The following UTP20 variants were observed in gnomAD, a reference collection of about 807,000 sequenced individuals.
The protein encoded by UTP20 is UTP20 small subunit processome component, also known as small subunit processome component 20 homolog.
A neutral mutation model predicts 329.5 loss-of-function variants in UTP20; 164 were observed. That is an observed-to-expected ratio of 0.50 (90% CI 0.44 to 0.57). The LOEUF (loss-of-function observed/expected upper bound fraction) is 0.57, where lower values mean the gene tolerates loss of function less well. Among genes scored for constraint, UTP20 ranks in the 20% least tolerant of loss-of-function variants. UTP20 has a pLI of 0.00. For synonymous variants in UTP20, 1,151 were observed against 1,159.3 expected, an observed-to-expected ratio of 0.99 and a Z score of 0.14; for missense variants, 3,055 against 3,284.2, an observed-to-expected ratio of 0.93 and a Z score of 1.71.
intron 4 of UTP20, among the ~76,000 whole-genome samples, 187 bp from the exon 5 acceptor site, chr12:101,286,134 A>T (rs1311703565): frequency 2.0e-5 from 3 of 152,206 alleles, no homozygotes; most frequent in Non-Finnish European, 4.4e-5. Context: ...TTATGATGGA[A>T]TGTAACTTCT....
intron 11 of UTP20, 88 bp downstream of exon 11, chr12:101,293,333 G>C: frequency 7.8e-7 from 1 of 1,278,960 alleles, no homozygotes; most frequent in Non-Finnish European, 1.1e-6. Context: ...ATTTCTGTTT[G>C]TTTTTTGAGA....
At chr12:101,348,737 T>TG (rs1256473698) in intron 38 of UTP20, among the ~76,000 whole-genome samples, 2 of 121,568 alleles carry the variant, frequency 1.6e-5, no homozygotes, top group Non-Finnish European at 3.3e-5. Context: ...GAGTTTTTGG[T>TG]GGTTTTTTTT....
chr12:101,383,028 T>C lies in UTP20; in HGVS notation c.7657-13T>C. The C allele has an allele frequency of 6.4e-7, 1 of 1,568,948 alleles. No individual in the cohort carries two copies. The highest frequency in any genetic ancestry group is 8.6e-7 in the Non-Finnish European group (1 of 1,160,992). ...ATGTCCAATTTCTTCCCCCACCCCG[T>C]TTTTTTTTAAAGGTTGTTAAGAATT... On this transcript the variant is annotated splice_polypyrimidine_tract_variant and intron_variant, in intron 58 of 61. Transcript: ENST00000261637.
chr12:101,292,305 G>A (rs1487537471), intron 10 of UTP20, among the ~76,000 whole-genome samples: 1 of 152,028 alleles, frequency 6.6e-6, no homozygotes, highest in Admixed American at 6.6e-5. Flanking sequence ...TAGCAAATAA[G>A]CAAAATAAAG....
At chr12:101,365,075 T>C (rs1240674252) in intron 45 of UTP20, among the ~76,000 whole-genome samples, 1 of 93,482 alleles carries the variant, frequency 1.1e-5, no homozygotes, top group Non-Finnish European at 2.7e-5. Flanking sequence ...TTGTTGATTG[T>C]GTGTGTGTGT....
At chr12:101,367,025 A>G (rs973749216) in intron 47 of UTP20, among the ~76,000 whole-genome samples, 2 of 152,096 alleles carry the variant, frequency 1.3e-5, no homozygotes, top group Admixed American at 6.6e-5. Context: ...CACACCCATA[A>G]TCCCAGCACT....
chr12:101,298,844 CT>C (rs1872440466), intron 12 of UTP20, among the ~76,000 whole-genome samples: 1 of 151,292 alleles, frequency 6.6e-6, no homozygotes, highest in Non-Finnish European at 1.5e-5. Context: ...GAGAATGTAG[CT>C]TTTTGGAGAA....
At chr12:101,359,657 T>C (rs1869849699) in intron 43 of UTP20, among the ~76,000 whole-genome samples, 1 of 152,180 alleles carries the variant, frequency 6.6e-6, no homozygotes, top group Non-Finnish European at 1.5e-5. Flanking sequence ...GTTTTTCAGT[T>C]CTAAAATTTT....
intron 48 of UTP20, among the ~76,000 whole-genome samples, chr12:101,368,599 A>G (rs936234173): frequency 2.6e-5 from 4 of 152,124 alleles, no homozygotes; most frequent in African/African-American, 9.7e-5. Context: ...CAACTTCATG[A>G]GGGTGAATGA....
intron 21 of UTP20, among the ~76,000 whole-genome samples, chr12:101,314,864 G>T (rs1197843408): frequency 6.6e-6 from 1 of 152,042 alleles, no homozygotes; most frequent in South Asian, 2.1e-4. Context: ...ACTTTGAGAG[G>T]CCTAGGTGGG....
chr12:101,286,415 G>A lies in UTP20; in HGVS notation c.421G>A (p.Asp141Asn), dbSNP rs753707234. The change falls in exon 5 of 62, where the codon GAC (aspartate) becomes AAC (asparagine). Residue 141 changes from aspartate (D) to asparagine (N), a missense_variant. Transcript: ENST00000261637. ...LTITSILETQ[D>N]TELLEWAFTS... is the part of the protein sequence containing the mutation. ...TATCACCTCGATCCTGGAGACTCAG[G>A]ACACAGAGTTGTTAGAATGGGCTTT... 3.0e-5 allele frequency: 49 copies of A among 1,613,646 alleles called. No homozygotes were observed. In the South Asian group the frequency reaches 4.9e-4, roughly 16 times the overall value.
At position 101,323,477 on chromosome 12, in the gene UTP20, T is replaced by C. The variant is rs1470174443; in HGVS notation, c.3041+1848T>C. 5.3e-5 allele frequency among the ~76,000 whole-genome samples: 8 copies of C among 152,350 alleles called. No individual in the cohort carries two copies. In the East Asian group the frequency reaches 1.5e-3, roughly 29 times the overall value. ...TGCCTGTTTCACACCATTCCAACAC[T>C]AGGGTGTTTGTTGTTATTATTTTTT... On this transcript the variant is annotated intron_variant, in intron 25 of 61. Transcript: ENST00000261637.
Position 101,342,809 on chromosome 12 carries a change from G to T in UTP20, c.4268G>T (p.Gly1423Val), listed in dbSNP as rs775896086. ...CAGACTCTTTCTGATTTTGAGAGTG[G>T]GTTAAAATATATTACTGATGTTGTC... ...VFETLSDFESGLKYITDVVKL... is the reference protein window; with the variant it reads ...VFETLSDFESVLKYITDVVKL... The change falls in exon 34 of 62, where the codon GGG becomes GTG. Residue 1423 changes from glycine to valine, a missense_variant. Coordinates refer to ENST00000261637, the MANE Select transcript of UTP20 (RefSeq NM_014503.3). The T allele has an allele frequency of 3.2e-5, 51 of 1,613,116 alleles. No individual in the cohort carries two copies. The highest frequency in any genetic ancestry group is 4.1e-5 in the Non-Finnish European group (48 of 1,179,602).
In UTP20 at chr12:101,324,127, ACT is replaced by A. The variant is rs1868471428; in HGVS notation, c.3041+2501_3041+2502del. ...ACTCCAGCCTGGATGACAGAGCGAGACTCTGTCTCAAAAAAATAAAAAAATAA... is the reference window on the plus strand; with the variant it reads ...ACTCCAGCCTGGATGACAGAGCGAGACTGTCTCAAAAAAATAAAAAAATAA... On this transcript the variant is annotated intron_variant, in intron 25 of 61. Transcript: ENST00000261637. Among the ~76,000 whole-genome samples the A allele has an allele frequency of 3.3e-5, 5 of 150,876 alleles. No individual in the cohort carries two copies. In the South Asian group the frequency reaches 1.1e-3, roughly 32 times the overall value.
intron 28 of UTP20, 149 bp downstream of exon 28, chr12:101,333,593 T>C: frequency 1.0e-6 from 1 of 992,760 alleles, no homozygotes; most frequent in Non-Finnish European, 1.5e-6. Context: ...TTAGAACACT[T>C]TTCTTTGCCT....
intron 23 of UTP20, 58 bp from the exon 24 acceptor site, chr12:101,320,794 G>T: frequency 7.1e-7 from 1 of 1,414,054 alleles, no homozygotes; most frequent in South Asian, 1.4e-5. Flanking sequence ...CAAGTAAATT[G>T]CTATCCTATG....
intron 39 of UTP20, among the ~76,000 whole-genome samples, chr12:101,352,828 TA>T (rs1555201579): frequency 5.3e-5 from 8 of 150,470 alleles, no homozygotes; most frequent in East Asian, 3.9e-4. Context: ...TAAATAAATT[TA>T]AAAAAAAGTA....
chr12:101,366,600 G>C lies in UTP20; in HGVS notation c.6168G>C (p.Gln2056His), dbSNP rs751078144. The C allele has an allele frequency of 6.2e-7, 1 of 1,614,150 alleles. No individual in the cohort carries two copies. Among genetic ancestry groups the C allele is most frequent in the Admixed American group, 1.7e-5 (1 of 60,018 alleles). ...APAPDPRLPP[Q>H]SCLLLPPTPV... is the part of the protein sequence containing the mutation. Reference sequence around the variant, plus strand: ...CACCAGATCCACGTCTACCACCCCAGAGCTGCCTTCTGCTTCCCCCAACTC... The same window carrying C: ...CACCAGATCCACGTCTACCACCCCACAGCTGCCTTCTGCTTCCCCCAACTC... Residue 2056 changes from glutamine (Q) to histidine (H), a missense_variant, in exon 47 of 62, where the codon CAG becomes CAC. Physicochemically the swap from Gln to His is conservative, Grantham distance 24. Transcript: ENST00000261637.
In UTP20 at chr12:101,363,700, T is replaced by C. The variant is rs1419431423; in HGVS notation, c.5915T>C (p.Val1972Ala). The change falls in exon 45 of 62, where the codon GTA becomes GCA. Residue 1972 changes from valine to alanine, a missense_variant. By Grantham distance (64) the Val-to-Ala change is moderately conservative. Transcript: ENST00000261637. ...TCTTATGAAATCCTCGGCAAGTTTGTAGGAAAAGATCAGGTTACAAAACTC... is the reference window on the plus strand; with the variant it reads ...TCTTATGAAATCCTCGGCAAGTTTGCAGGAAAAGATCAGGTTACAAAACTC... ...YDSYEILGKF[V>A]GKDQVTKLIL... 1.2e-6 allele frequency: 2 copies of C among 1,612,362 alleles called. No individual in the cohort carries two copies. The highest frequency in any genetic ancestry group is 3.3e-5 in the Admixed American group (2 of 60,012).
Sources: allele counts gnomAD v4.1 joint callset (sites outside exome capture counted in the v4.1 genomes callset), GRCh38; gene constraint gnomAD v4.1.1; transcripts MANE v1.5; gene names NCBI Gene and HGNC (gene_info 2026-07-23, HGNC 2026-07-21).